TMEM178B: variants seen among roughly 807,000 people sequenced by gnomAD.
TMEM178B encodes transmembrane protein 178B.
A neutral mutation model predicts 31.0 loss-of-function variants in TMEM178B; 5 were observed. The observed-to-expected ratio is 0.16, with a 90% CI of 0.08 to 0.34. The LOEUF (loss-of-function observed/expected upper bound fraction) is 0.34. Ranked by LOEUF, TMEM178B falls within the 10% of genes least tolerant of loss-of-function variation. TMEM178B has a pLI of 1.00. For synonymous variants in TMEM178B, 164 were observed against 164.0 expected, an observed-to-expected ratio of 1.00 and a Z score of 0.00; for missense variants, 275 against 400.3, an observed-to-expected ratio of 0.69 and a Z score of 2.67.
At chr7:141,217,036 T>C in intron 2 of TMEM178B, among the ~76,000 whole-genome samples, 1 of 152,156 alleles carries the variant, frequency 6.6e-6, no homozygotes. Context: ...GTGGGCTGTC[T>C]GGTTTACGTT....
chr7:141,460,694 G>A (rs895803650), intron 3 of TMEM178B, among the ~76,000 whole-genome samples: 23 of 152,210 alleles, frequency 1.5e-4, no homozygotes, highest in East Asian at 1.9e-4. Flanking sequence ...CAGAGCAGTC[G>A]TGTCGTGTAT....
intron 1 of TMEM178B, among the ~76,000 whole-genome samples, chr7:141,132,214 C>T (rs1341595981): frequency 1.3e-5 from 2 of 152,092 alleles, no homozygotes; most frequent in East Asian, 3.9e-4. Flanking sequence ...TTTGGCAGGT[C>T]ATAAGTTCCT....
chr7:141,434,913 T>C (rs1432693326), intron 2 of TMEM178B, among the ~76,000 whole-genome samples: 2 of 152,234 alleles, frequency 1.3e-5, no homozygotes, highest in African/African-American at 2.4e-5. Flanking sequence ...TCCAGTTCCA[T>C]CCAGGTTGCT....
At chr7:141,368,414 A>G (rs1011314230) in intron 2 of TMEM178B, among the ~76,000 whole-genome samples, 1 of 152,262 alleles carries the variant, frequency 6.6e-6, no homozygotes, top group African/African-American at 2.4e-5. Context: ...TGTAAGGTAT[A>G]AAGTGCATAA....
the TMEM178B span, among the ~76,000 whole-genome samples, chr7:141,505,331 C>G: frequency 6.6e-6 from 1 of 152,178 alleles, no homozygotes; most frequent in Non-Finnish European, 1.5e-5. Flanking sequence ...TGAGAATGAC[C>G]AAGTCAAAAT....
chr7:141,197,419 G>C (rs949316919), intron 1 of TMEM178B, among the ~76,000 whole-genome samples: 2 of 152,130 alleles, frequency 1.3e-5, no homozygotes, highest in Non-Finnish European at 1.5e-5. Flanking sequence ...TGAATAAGTT[G>C]CTCTTCCTTT....
intron 1 of TMEM178B, among the ~76,000 whole-genome samples, chr7:141,083,631 A>G (rs1054774382): frequency 2.0e-5 from 3 of 152,184 alleles, no homozygotes; most frequent in South Asian, 2.1e-4. Context: ...ATAAAAACGA[A>G]CTTTTCCTCT....
rs952722745 is a variant in TMEM178B, at chr7:141,454,267, G to A, written c.635-16269G>A. 4.1e-4 allele frequency among the ~76,000 whole-genome samples: 63 copies of A among 152,080 alleles called. 1 individual carries two copies. Among genetic ancestry groups the A allele is most frequent in the African/African-American group, 1.4e-3 (58 of 41,484 alleles). On this transcript the variant is annotated intron_variant, in intron 3 of 3. Transcript: ENST00000565468. ...GGGGCAGCCATTCTCTTCTCACCTC[G>A]GCATTCCATCTAGACCCCATGTCAT...
At chr7:141,338,066 T>C (rs1040683735) in intron 2 of TMEM178B, among the ~76,000 whole-genome samples, 1 of 152,186 alleles carries the variant, frequency 6.6e-6, no homozygotes, top group Admixed American at 6.6e-5. Context: ...CTCGATCTCC[T>C]GACCTCGTGA....
chr7:141,313,813 G>A (rs567339984), intron 2 of TMEM178B, among the ~76,000 whole-genome samples: 2 of 127,834 alleles, frequency 1.6e-5, no homozygotes, highest in African/African-American at 2.6e-5. Flanking sequence ...GTGCATTATT[G>A]ATGTGCGTCT....
At chr7:141,139,547 T>G (rs550393693) in intron 1 of TMEM178B, among the ~76,000 whole-genome samples, 1 of 152,252 alleles carries the variant, frequency 6.6e-6, no homozygotes, top group South Asian at 2.1e-4. Context: ...TTTGCCATGT[T>G]GACCAGGCTG....
intron 2 of TMEM178B, among the ~76,000 whole-genome samples, chr7:141,259,559 T>G (rs530443442): frequency 6.6e-5 from 10 of 152,364 alleles, no homozygotes; most frequent in African/African-American, 1.4e-4. Flanking sequence ...GTAAGAACTC[T>G]AGGCTCTGAT....
At chr7:141,424,156 T>C (rs959813975) in intron 2 of TMEM178B, among the ~76,000 whole-genome samples, 5 of 152,132 alleles carry the variant, frequency 3.3e-5, no homozygotes, top group South Asian at 2.1e-4. Context: ...GATTCCGGCA[T>C]GGTCCCAAAG....
At chr7:141,243,172 G>A (rs934968321) in intron 2 of TMEM178B, among the ~76,000 whole-genome samples, 30 of 151,672 alleles carry the variant, frequency 2.0e-4, no homozygotes, top group African/African-American at 6.3e-4. Flanking sequence ...CCTTTTTTTC[G>A]GGTCATTGAC....
At chr7:141,403,350 C>T (rs1295266510) in intron 2 of TMEM178B, among the ~76,000 whole-genome samples, 1 of 152,200 alleles carries the variant, frequency 6.6e-6, no homozygotes, top group Non-Finnish European at 1.5e-5. Context: ...TCAATGGACA[C>T]ACTAAGGCTG....
chr7:141,488,902 T>G, the TMEM178B span, among the ~76,000 whole-genome samples: 1 of 151,952 alleles, frequency 6.6e-6, no homozygotes, highest in Non-Finnish European at 1.5e-5. Context: ...ATTTAATTTT[T>G]TTCCCCCGTT....
chr7:141,496,482 A>C, the TMEM178B span, among the ~76,000 whole-genome samples: 1 of 151,780 alleles, frequency 6.6e-6, no homozygotes, highest in Non-Finnish European at 1.5e-5. Flanking sequence ...CATCCCGGCT[A>C]AAACGGTGAA....
At chr7:141,287,114 C>A (rs780849398) in intron 2 of TMEM178B, among the ~76,000 whole-genome samples, 1 of 152,040 alleles carries the variant, frequency 6.6e-6, no homozygotes, top group Non-Finnish European at 1.5e-5. Context: ...ATCCACCTCC[C>A]CTTATATCCT....
At chr7:141,295,690 C>T (rs561917333) in intron 2 of TMEM178B, among the ~76,000 whole-genome samples, 1 of 152,182 alleles carries the variant, frequency 6.6e-6, no homozygotes, top group East Asian at 1.9e-4. Flanking sequence ...TTCCTCTGCT[C>T]ATTCACTTTA....
Sources: gnomAD v4.1 joint callset for allele counts (sites outside exome capture counted in the v4.1 genomes callset) on GRCh38, gnomAD v4.1.1 for gene constraint, MANE v1.5 for transcripts, NCBI Gene and HGNC (gene_info 2026-07-23, HGNC 2026-07-21) for gene names.